HIP1: variants seen among roughly 807,000 people sequenced by gnomAD.
HIP1 encodes the protein huntingtin-interacting protein 1.
HIP1 carries 65 observed loss-of-function variants against 147.6 expected under a neutral mutation model. That is an observed-to-expected ratio of 0.44 (90% confidence interval 0.36 to 0.54). The LOEUF is 0.54. Among genes scored for constraint, HIP1 ranks in the 20% least tolerant of loss-of-function variants. HIP1 has a pLI of 0.00. For synonymous variants in HIP1, 479 were observed against 504.0 expected (o/e 0.95, Z 0.67); for missense variants, 1,061 against 1,299.6 (o/e 0.82, Z 2.82).
chr7:75,636,016 C>G (rs1455514705), intron 1 of HIP1, among the ~76,000 whole-genome samples: 6 of 133,570 alleles, frequency 4.5e-5, no homozygotes, highest in African/African-American at 1.7e-4. Context: ...CAGAACAAGA[C>G]CCTGTCTCAA....
intron 1 of HIP1, among the ~76,000 whole-genome samples, chr7:75,607,529 TAAAAAAAAAA>T (rs140305342): frequency 1.9e-5 from 2 of 107,418 alleles, no homozygotes; most frequent in Admixed American, 1.1e-4. Flanking sequence ...ATGCCCAGCC[TAAAAAAAAAA>T]AAAAAAAAAA....
intron 1 of HIP1, among the ~76,000 whole-genome samples, chr7:75,738,144 G>A (rs932790202): frequency 2.0e-5 from 3 of 152,126 alleles, no homozygotes; most frequent in African/African-American, 7.2e-5. Context: ...AGGGCTCAGG[G>A]GCACCATGGT....
intron 27 of HIP1, among the ~76,000 whole-genome samples, chr7:75,543,361 A>AT (rs1300773989): frequency 1.3e-5 from 2 of 151,214 alleles, no homozygotes; most frequent in African/African-American, 2.4e-5. Context: ...TCAAAAAATA[A>AT]TTTTTTTTTA....
At chr7:75,543,944 G>T (rs1794431403) in intron 27 of HIP1, among the ~76,000 whole-genome samples, 1 of 152,140 alleles carries the variant, frequency 6.6e-6, no homozygotes, top group South Asian at 2.1e-4. Context: ...AGGCTGAGGT[G>T]GGTGGATCAC....
chr7:75,566,733 A>G (rs1795415727), intron 9 of HIP1, among the ~76,000 whole-genome samples: 1 of 151,338 alleles, frequency 6.6e-6, no homozygotes, highest in Non-Finnish European at 1.5e-5. Flanking sequence ...GTATCAACCA[A>G]ACCTGCTAGT....
At chr7:75,538,700 G>A in intron 30 of HIP1, among the ~76,000 whole-genome samples, 1 of 150,964 alleles carries the variant, frequency 6.6e-6, no homozygotes. Flanking sequence ...TCAGCCTCCT[G>A]AGTAGCTGGG....
At chr7:75,601,895 T>C (rs1796993087) in intron 1 of HIP1, among the ~76,000 whole-genome samples, 1 of 152,026 alleles carries the variant, frequency 6.6e-6, no homozygotes, top group Non-Finnish European at 1.5e-5. Flanking sequence ...TGGACTAGTC[T>C]TCATATTTGT....
chr7:75,733,174 C>G (rs1238121675), intron 1 of HIP1, among the ~76,000 whole-genome samples: 1 of 152,104 alleles, frequency 6.6e-6, no homozygotes. Flanking sequence ...ACAGTGTGGT[C>G]GAACGGGCCT....
chr7:75,606,276 G>A (rs587657162), intron 1 of HIP1, among the ~76,000 whole-genome samples: 63 of 152,254 alleles, frequency 4.1e-4, no homozygotes, highest in African/African-American at 8.9e-4. Flanking sequence ...TAGGAGCTCC[G>A]GGTTACAGGG....
At position 75,686,322 on chromosome 7, in the gene HIP1, G is replaced by A. The variant is rs1032422470; in HGVS notation, c.120+52479C>T. Among the ~76,000 whole-genome samples, 4 of 152,166 alleles carry A rather than the reference G, an allele frequency of 2.6e-5. No individual in the cohort carries two copies. In the East Asian group the frequency reaches 7.7e-4, roughly 29 times the overall value. On this transcript the variant is annotated intron_variant, in intron 1 of 30. Coordinates refer to ENST00000336926, the MANE Select transcript of HIP1 (RefSeq NM_005338.7). The stretch of plus-strand genomic sequence containing the variant: ...TCCCTATTGAAACTAAGATCATAAA[G>A]ATATTCTCTCGTATTTTTTTTGAAA...
At chr7:75,701,399 CAA>C (rs1281600193) in intron 1 of HIP1, among the ~76,000 whole-genome samples, 2 of 151,280 alleles carry the variant, frequency 1.3e-5, no homozygotes, top group African/African-American at 4.9e-5. Context: ...GTCTCAAAAA[CAA>C]AACAAACAAA....
chr7:75,678,339 T>TC (rs1748395708), intron 1 of HIP1, among the ~76,000 whole-genome samples: 1 of 123,956 alleles, frequency 8.1e-6, no homozygotes, highest in Non-Finnish European at 1.6e-5. Flanking sequence ...ATTCCTTTAT[T>TC]CTTTTTTTTT....
chr7:75,714,476 A>T (rs1292255635), intron 1 of HIP1, among the ~76,000 whole-genome samples: 1 of 133,222 alleles, frequency 7.5e-6, no homozygotes, highest in Non-Finnish European at 1.6e-5. Flanking sequence ...TTTTTGAGAC[A>T]GAGTCTCTCT....
At chr7:75,720,982 A>G (rs932207876) in intron 1 of HIP1, among the ~76,000 whole-genome samples, 15 of 150,866 alleles carry the variant, frequency 9.9e-5, no homozygotes, top group African/African-American at 3.4e-4. Context: ...AGGTTGCGGT[A>G]AGCCAAGATC....
Position 75,685,899 on chromosome 7 carries a change from G to T in HIP1, c.120+52902C>A, listed in dbSNP as rs1259259318. 7.9e-5 allele frequency among the ~76,000 whole-genome samples: 12 copies of T among 151,244 alleles called. No individual in the cohort carries two copies. The East Asian group carries it at 1.2e-3, about 15-fold the overall frequency. On this transcript the variant is annotated intron_variant, in intron 1 of 30. Transcript: ENST00000336926. ...CTTATTCTGCCTGTGGCCTTTTTTT[G>T]TTGTTGTTGTTCTGTTTTGAGACGG...
intron 4 of HIP1, 61 bp downstream of exon 4, chr7:75,591,995 C>T (rs1224981096): frequency 4.6e-6 from 6 of 1,315,310 alleles, no homozygotes; most frequent in Non-Finnish European, 6.6e-6. Context: ...AGTCCTTGCT[C>T]TGTGGCCTCT....
At chr7:75,646,331 C>T (rs547303768) in intron 1 of HIP1, among the ~76,000 whole-genome samples, 3 of 152,356 alleles carry the variant, frequency 2.0e-5, no homozygotes, top group Admixed American at 6.5e-5. Context: ...AGGTGATCCA[C>T]TCATCTCGGC....
chr7:75,553,275 G>A (rs587759940), intron 22 of HIP1, among the ~76,000 whole-genome samples, 178 bp downstream of exon 22: 1 of 151,942 alleles, frequency 6.6e-6, no homozygotes, highest in Admixed American at 6.6e-5. Context: ...CAAAGTGCTG[G>A]GATTACACGC....
intron 1 of HIP1, among the ~76,000 whole-genome samples, chr7:75,698,478 G>T (rs1222645196): frequency 6.6e-6 from 1 of 152,110 alleles, no homozygotes; most frequent in Non-Finnish European, 1.5e-5. Context: ...CTATTCAGCT[G>T]TAAAAAGAAA....
Sources: allele counts gnomAD v4.1 joint callset (sites outside exome capture counted in the v4.1 genomes callset), GRCh38; gene constraint gnomAD v4.1.1; transcripts MANE v1.5; gene names NCBI Gene and HGNC (gene_info 2026-07-23, HGNC 2026-07-21).